Variants in INO80D observed in about 807,000 individuals in gnomAD.
INO80D encodes INO80 complex subunit D.
Under a neutral mutation model 87.6 loss-of-function variants are expected in INO80D, and 21 were observed. That is an observed-to-expected ratio of 0.24 (90% CI 0.17 to 0.35). INO80D has a LOEUF of 0.35. INO80D is among the 10% of genes least tolerant of loss of function. INO80D has a pLI of 1.00. For synonymous variants in INO80D, 440 were observed against 491.0 expected (o/e 0.90, Z 1.37); for missense variants, 982 against 1,280.7 (o/e 0.77, Z 3.56).
At chr2:206,021,706 G>C (rs192664811) in intron 6 of INO80D, among the ~76,000 whole-genome samples, 19 of 152,138 alleles carry the variant, frequency 1.2e-4, no homozygotes, top group Admixed American at 1.1e-3. Flanking sequence ...CTCACCTCCC[G>C]GGTTCAGGTG....
At chr2:206,053,415 A>C (rs1312324505) in intron 4 of INO80D, among the ~76,000 whole-genome samples, 2 of 152,212 alleles carry the variant, frequency 1.3e-5, no homozygotes, top group Admixed American at 6.5e-5. Context: ...TATTAGAAAG[A>C]ATATATCAAG....
At chr2:206,017,578 G>T in intron 8 of INO80D, 102 bp downstream of exon 8, 1 of 932,098 alleles carries the variant, frequency 1.1e-6, no homozygotes, top group Non-Finnish European at 1.5e-6. Context: ...CTCAAAACTT[G>T]TTTCAGTGAT....
chr2:206,083,408 T>C (rs764416128), intron 1 of INO80D, among the ~76,000 whole-genome samples: 2 of 152,134 alleles, frequency 1.3e-5, no homozygotes, highest in Non-Finnish European at 2.9e-5. Context: ...AAGGACAAAC[T>C]ATAATAGAAG....
In INO80D at chr2:206,004,251, G is replaced by T; in HGVS notation, c.*117C>A. 2 of 921,578 alleles carry T rather than the reference G, an allele frequency of 2.2e-6. No individual in the cohort carries two copies. Among genetic ancestry groups the T allele is most frequent in the Non-Finnish European group, 3.3e-6 (2 of 609,890 alleles). The allele number at this position is 921,578 out of a possible 1,614,324, so 57.1% of individuals were successfully genotyped here. A position where few individuals can be genotyped will look rare whatever the true frequency, so the allele number is the denominator to read the frequency against. On this transcript the variant is annotated 3_prime_UTR_variant, in exon 11 of 11. Transcript: ENST00000403263. This position sits in a 1 kb window ranked among gnomAD's most constrained non-coding sequence, Gnocchi z 4.9. ...CACTCATTGAACTGGGAAGGGGGGT[G>T]CCCCTCTGATCCCCATCTGTTATAT...
intron 1 of INO80D, among the ~76,000 whole-genome samples, chr2:206,083,515 A>T (rs1195690249): frequency 6.6e-6 from 1 of 152,222 alleles, no homozygotes; most frequent in Non-Finnish European, 1.5e-5. Flanking sequence ...TGTAATTTGC[A>T]TTTTTGTATC....
intron 1 of INO80D, among the ~76,000 whole-genome samples, chr2:206,081,768 A>AAAAG (rs56190512): frequency 0.18 from 25,685 of 146,464 alleles, 2,905 homozygotes; most frequent in Non-Finnish European, 0.26. Context: ...AAAAAAAAAA[A>AAAAG]AAAGAAAGAA....
chr2:206,070,381 A>G (rs1689929221), intron 1 of INO80D, among the ~76,000 whole-genome samples: 1 of 151,280 alleles, frequency 6.6e-6, no homozygotes, highest in Admixed American at 6.6e-5. Flanking sequence ...CCAAAACTGC[A>G]CCACACCGCA....
intron 4 of INO80D, 84 bp from the exon 5 acceptor site, chr2:206,046,696 A>T: frequency 2.5e-6 from 2 of 805,136 alleles, no homozygotes; most frequent in East Asian, 2.6e-5. Flanking sequence ...AAAATAACAT[A>T]ACCCAACATA....
intron 4 of INO80D, among the ~76,000 whole-genome samples, chr2:206,047,896 G>A (rs1052690866): frequency 6.8e-6 from 1 of 147,678 alleles, no homozygotes; most frequent in African/African-American, 2.5e-5. Context: ...TGTCGCCCAG[G>A]CTGGAGTGCA....
intron 6 of INO80D, among the ~76,000 whole-genome samples, chr2:206,026,902 A>T (rs530941738): frequency 5.9e-5 from 9 of 152,236 alleles, no homozygotes; most frequent in African/African-American, 2.2e-4. Context: ...TTTCAAAAGA[A>T]TCTTGAAGAA....
At chr2:206,053,147 T>A (rs1689420516) in intron 4 of INO80D, among the ~76,000 whole-genome samples, 1 of 152,032 alleles carries the variant, frequency 6.6e-6, no homozygotes, top group African/African-American at 2.4e-5. Context: ...AAGCTTGGAA[T>A]CGGCAATTCC....
intron 1 of INO80D, among the ~76,000 whole-genome samples, chr2:206,074,276 G>GA (rs1690051277): frequency 1.3e-5 from 2 of 152,274 alleles, no homozygotes; most frequent in Admixed American, 1.3e-4. Flanking sequence ...ACTTGCTGTA[G>GA]AAAAAATATT....
rs1467788731 is a variant in INO80D, at chr2:206,061,756, A to G, written c.218+1043T>C. Among the ~76,000 whole-genome samples, 3 of 152,328 alleles carry G rather than the reference A, an allele frequency of 2.0e-5. No individual in the cohort carries two copies. The East Asian group carries it at 5.8e-4, about 29-fold the overall frequency. On this transcript the variant is annotated intron_variant, in intron 3 of 10. Transcript: ENST00000403263. ...ATTTATTTCATACTGCAAGTGTAAA[A>G]AGTATTCATGACACAAAATATCTGA...
intron 5 of INO80D, among the ~76,000 whole-genome samples, chr2:206,032,203 G>A (rs1163690497): frequency 6.6e-6 from 1 of 152,206 alleles, no homozygotes; most frequent in East Asian, 1.9e-4. Flanking sequence ...TGTGGGGAAG[G>A]CCACAAATCG....
At chr2:206,054,075 G>A (rs1474064349) in intron 4 of INO80D, among the ~76,000 whole-genome samples, 5 of 152,048 alleles carry the variant, frequency 3.3e-5, no homozygotes, top group Admixed American at 6.6e-5. Flanking sequence ...CCTGACCTCA[G>A]GTGATTCACC....
chr2:206,066,894 T>A (rs1044871651), intron 1 of INO80D, among the ~76,000 whole-genome samples: 1 of 151,860 alleles, frequency 6.6e-6, no homozygotes, highest in Non-Finnish European at 1.5e-5. Context: ...AAATAAGGTA[T>A]GGAAAATTAA....
intron 6 of INO80D, among the ~76,000 whole-genome samples, chr2:206,023,196 C>G (rs910829432): frequency 3.3e-5 from 5 of 151,136 alleles, no homozygotes; most frequent in African/African-American, 1.2e-4. Flanking sequence ...AGTGACACTC[C>G]ATCTCAAAAA....
chr2:206,033,248 A>G (rs979076005), intron 5 of INO80D, among the ~76,000 whole-genome samples: 7 of 152,192 alleles, frequency 4.6e-5, no homozygotes. Context: ...GATATTATAT[A>G]ATAGTAAAAG....
In INO80D at chr2:205,997,208, A is replaced by G. The variant is rs1200568922; in HGVS notation, c.*7160T>C. On this transcript the variant is annotated 3_prime_UTR_variant, in exon 11 of 11. Transcript: ENST00000403263. Reference sequence around the variant, plus strand: ...ACTCCAGTAATAAATGTATAGCAAAATAACAACTTAAAACTCAAAATAAAG... The same window carrying G: ...ACTCCAGTAATAAATGTATAGCAAAGTAACAACTTAAAACTCAAAATAAAG... The G allele has an allele frequency of 2.6e-5, 4 of 152,154 alleles. No homozygotes were observed. The highest frequency in any genetic ancestry group is 9.6e-5 in the African/African-American group (4 of 41,452). 9.4% of individuals were successfully genotyped at this position (152,154 alleles called of 1,614,324 possible).
Sources: allele counts gnomAD v4.1 joint callset (sites outside exome capture counted in the v4.1 genomes callset), GRCh38; gene constraint gnomAD v4.1.1; non-coding constraint Gnocchi (gnomAD v3.1); transcripts MANE v1.5; gene names NCBI Gene and HGNC (gene_info 2026-07-23, HGNC 2026-07-21).